RIMS1: variants seen among roughly 807,000 people sequenced by gnomAD.
The protein encoded by RIMS1 is regulating synaptic membrane exocytosis protein 1.
In RIMS1, 83 loss-of-function variants were observed where a neutral mutation model predicts 214.1. The observed-to-expected ratio is 0.39, with a 90% confidence interval of 0.32 to 0.47. The LOEUF is 0.47. RIMS1 is among the 20% of genes least tolerant of loss of function. The probability of loss-of-function intolerance (pLI) is 0.99; values close to 1 mark genes in which losing one functional copy is unlikely to be tolerated. For synonymous variants in RIMS1, 793 were observed against 786.8 expected, an observed-to-expected ratio of 1.01 and a Z score of -0.13; for missense variants, 2,050 against 2,161.8, an observed-to-expected ratio of 0.95 and a Z score of 1.03.
At chr6:72,115,389 G>A (rs543027747) in intron 4 of RIMS1, among the ~76,000 whole-genome samples, 1 of 151,974 alleles carries the variant, frequency 6.6e-6, no homozygotes, top group Admixed American at 6.6e-5. Flanking sequence ...TCAATCAAAT[G>A]TACAGTGTCA....
At position 72,252,908 on chromosome 6, in the gene RIMS1, T is replaced by C. The variant is rs976206454; in HGVS notation, c.2770+76T>C. ...TTCTCTGTCAGCTTCCGGACCTCTT[T>C]AGGATACTAAACTGAAGATTTATAG... On this transcript the variant is annotated intron_variant, in intron 16 of 33. Coordinates refer to ENST00000521978, the MANE Select transcript of RIMS1 (RefSeq NM_014989.7). 16 of 1,036,676 alleles carry C rather than the reference T, an allele frequency of 1.5e-5. No homozygotes were observed. The African/African-American group carries it at 2.2e-4, about 14-fold the overall frequency. 64.2% of individuals were successfully genotyped at this position (1,036,676 alleles called of 1,614,324 possible). A position where few individuals can be genotyped will look rare whatever the true frequency, so the allele number is the denominator to read the frequency against.
chr6:72,262,377 A>G (rs1157090695), intron 19 of RIMS1: 9 of 978,668 alleles, frequency 9.2e-6, no homozygotes, highest in African/African-American at 1.7e-5. Context: ...ATTTGTATGT[A>G]TACAATTTAA....
chr6:72,148,601 A>G (rs923747813), intron 4 of RIMS1: 2 of 456,772 alleles, frequency 4.4e-6, no homozygotes, highest in East Asian at 6.9e-5. Flanking sequence ...GGATACGAGC[A>G]TGACCTCCTT....
At chr6:72,212,315 A>C (rs2053959487) in intron 6 of RIMS1, among the ~76,000 whole-genome samples, 1 of 150,976 alleles carries the variant, frequency 6.6e-6, no homozygotes, top group Non-Finnish European at 1.5e-5. Flanking sequence ...ATATAATAGG[A>C]ATCTATATAT....
chr6:72,400,528 C>T lies in RIMS1; in HGVS notation c.4893C>T (p.Asp1631=). ...VIVWGDYGRM[D]HKCFMGVAQI... ...TCTGGGGAGACTATGGCAGAATGGA[C>T]CACAAATGCTTTATGGGTGTGGCTC... Residue 1631 remains aspartate (D), a synonymous_variant, in exon 34 of 34, where the codon GAC becomes GAT. Coordinates refer to ENST00000521978, the MANE Select transcript of RIMS1 (RefSeq NM_014989.7). The T allele has an allele frequency of 6.2e-7, 1 of 1,614,006 alleles. No individual in the cohort carries two copies. The highest frequency in any genetic ancestry group is 8.5e-7 in the Non-Finnish European group (1 of 1,179,926).
intron 1 of RIMS1, among the ~76,000 whole-genome samples, chr6:71,947,398 A>G (rs1788175789): frequency 6.6e-6 from 1 of 152,148 alleles, no homozygotes; most frequent in Admixed American, 6.5e-5. Flanking sequence ...GTCATTTTTG[A>G]CAACATAGTT....
In RIMS1 at chr6:72,309,039, T is replaced by C. The variant is rs1009283917; in HGVS notation, c.3963+1669T>C. The stretch of plus-strand genomic sequence containing the variant: ...ATGCTCCTTTTAAGCTGGAAATTTT[T>C]ATCAGTTTCTTAGCTTTATTTCAAA... On this transcript the variant is annotated intron_variant, in intron 27 of 33. Transcript: ENST00000521978. Among the ~76,000 whole-genome samples, 14 of 152,154 alleles carry C rather than the reference T, an allele frequency of 9.2e-5. No individual in the cohort carries two copies. The South Asian group carries it at 2.9e-3, about 31-fold the overall frequency.
intron 33 of RIMS1, 56 bp downstream of exon 33, chr6:72,399,150 C>G: frequency 1.4e-6 from 2 of 1,392,744 alleles, no homozygotes; most frequent in Non-Finnish European, 1.9e-6. Flanking sequence ...ACCCATACAT[C>G]GAAGAGATGG....
intron 4 of RIMS1, among the ~76,000 whole-genome samples, chr6:72,121,028 C>A (rs1333871835): frequency 6.6e-6 from 1 of 151,704 alleles, no homozygotes; most frequent in Non-Finnish European, 1.5e-5. Flanking sequence ...GTTTTTGTAC[C>A]AGTAGCATGC....
At chr6:72,032,222 T>A (rs1222927668) in intron 2 of RIMS1, among the ~76,000 whole-genome samples, 1 of 151,928 alleles carries the variant, frequency 6.6e-6, no homozygotes, top group Admixed American at 6.6e-5. Context: ...TTAGAAACAA[T>A]GAATCACCCG....
intron 2 of RIMS1, among the ~76,000 whole-genome samples, chr6:72,041,456 G>A (rs952114028): frequency 3.2e-4 from 48 of 151,866 alleles, no homozygotes; most frequent in African/African-American, 1.2e-3. Context: ...AAGGGAGGAT[G>A]CTTATCTATT....
At chr6:72,196,603 T>TTTTTTTTTTTTTTTTTC (rs780611745) in intron 6 of RIMS1, among the ~76,000 whole-genome samples, 2 of 132,208 alleles carry the variant, frequency 1.5e-5, no homozygotes, top group East Asian at 2.0e-4. Flanking sequence ...TTTTTTTTTT[T>TTTTTTTTTTTTTTTTTC]ACCTATACAG....
At chr6:72,012,385 C>T (rs879644150) in intron 2 of RIMS1, among the ~76,000 whole-genome samples, 9 of 151,848 alleles carry the variant, frequency 5.9e-5, no homozygotes, top group South Asian at 2.1e-4. Context: ...ATGTAAATGA[C>T]GAGTTAATGG....
chr6:72,248,273 A>G lies in RIMS1; in HGVS notation c.2241+146A>G. 3 of 528,272 alleles carry G rather than the reference A, an allele frequency of 5.7e-6. No individual in the cohort carries two copies. The East Asian group carries it at 8.8e-5, about 16-fold the overall frequency. The allele number at this position is 528,272 out of a possible 1,614,324, so 32.7% of individuals were successfully genotyped here. On this transcript the variant is annotated intron_variant, in intron 12 of 33. Transcript: ENST00000521978. ...AATCTACTTCATTAGTTTTTCATGC[A>G]TTTTTTATTATTCCTTTATTCACAT...
rs561603494 is a variant in RIMS1, at chr6:71,973,112, G to T, written c.245+4049G>T. Among the ~76,000 whole-genome samples, 4 of 152,296 alleles carry T rather than the reference G, an allele frequency of 2.6e-5. No individual in the cohort carries two copies. In the East Asian group the frequency reaches 7.7e-4, roughly 29 times the overall value. ...TTTAGTAGAGACAGGGTTTCACCAT[G>T]TTGGTCAGGCTGGTCTTGAACTCCT... On this transcript the variant is annotated intron_variant, in intron 2 of 33. Coordinates refer to ENST00000521978, the MANE Select transcript of RIMS1 (RefSeq NM_014989.7).
intron 26 of RIMS1, among the ~76,000 whole-genome samples, chr6:72,297,095 C>T (rs144994270): frequency 1.3e-5 from 2 of 151,828 alleles, no homozygotes; most frequent in East Asian, 3.9e-4. Context: ...TATATTCAGG[C>T]ACTATACATA....
chr6:71,987,963 C>T (rs796865792), intron 2 of RIMS1, among the ~76,000 whole-genome samples: 76 of 152,102 alleles, frequency 5.0e-4, no homozygotes, highest in African/African-American at 1.8e-3. Flanking sequence ...TGTTCTAGTT[C>T]TGTTACTCAA....
chr6:71,892,178 G>A (rs1386847527), intron 1 of RIMS1, among the ~76,000 whole-genome samples: 1 of 152,158 alleles, frequency 6.6e-6, no homozygotes, highest in Non-Finnish European at 1.5e-5. Context: ...TTAAAAAAGT[G>A]CATTGAGTGC....
intron 7 of RIMS1, 41 bp downstream of exon 7, chr6:72,233,881 G>A: frequency 7.6e-7 from 1 of 1,307,458 alleles, no homozygotes; most frequent in East Asian, 2.5e-5. Context: ...TAGGGAATAT[G>A]TGTGCTCGTT....
Sources: allele counts gnomAD v4.1 joint callset (sites outside exome capture counted in the v4.1 genomes callset), GRCh38; gene constraint gnomAD v4.1.1; transcripts MANE v1.5; gene names NCBI Gene and HGNC (gene_info 2026-07-23, HGNC 2026-07-21).